IGF2BP3: variants seen among roughly 807,000 people sequenced by gnomAD.
The protein encoded by IGF2BP3 is insulin like growth factor 2 mRNA binding protein 3, also known as insulin-like growth factor 2 mRNA-binding protein 3.
IGF2BP3 carries 9 observed loss-of-function variants against 73.8 expected under a neutral mutation model. The ratio of observed to expected loss-of-function variants is 0.12; its 90% confidence interval spans 0.07 to 0.21. IGF2BP3 has a LOEUF of 0.21. Ranked by LOEUF, IGF2BP3 falls within the 10% of genes least tolerant of loss-of-function variation. The pLI is 1.00. For synonymous variants in IGF2BP3, 258 were observed against 256.7 expected (o/e 1.01, Z -0.05); for missense variants, 542 against 714.0 (o/e 0.76, Z 2.75).
chr7:23,336,110 C>G (rs1163907780), intron 10 of IGF2BP3, among the ~76,000 whole-genome samples: 1 of 151,734 alleles, frequency 6.6e-6, no homozygotes, highest in Non-Finnish European at 1.5e-5. Flanking sequence ...TTTCTACTTT[C>G]ATGCTACAAA....
At chr7:23,455,124 G>C (rs1788287289) in intron 2 of IGF2BP3, among the ~76,000 whole-genome samples, 1 of 152,156 alleles carries the variant, frequency 6.6e-6, no homozygotes, top group Admixed American at 6.5e-5. Context: ...AGTCTTCCAT[G>C]ATAATCCCAA....
intron 8 of IGF2BP3, among the ~76,000 whole-genome samples, chr7:23,344,093 A>C (rs1185372910): frequency 1.3e-5 from 2 of 152,250 alleles, no homozygotes; most frequent in African/African-American, 2.4e-5. Flanking sequence ...CTGGATACAT[A>C]TAGTTCAATC....
chr7:23,378,286 T>C (rs922296119), intron 3 of IGF2BP3, among the ~76,000 whole-genome samples: 1 of 150,812 alleles, frequency 6.6e-6, no homozygotes, highest in Non-Finnish European at 1.5e-5. Flanking sequence ...ACAAGGAGTA[T>C]ATAATTTTAG....
At chr7:23,468,460 G>A in intron 2 of IGF2BP3, 22 bp downstream of exon 2, 1 of 1,613,570 alleles carries the variant, frequency 6.2e-7, no homozygotes, top group Non-Finnish European at 8.5e-7. Context: ...CAGAATCGGG[G>A]CAAACAGAAG....
intron 3 of IGF2BP3, among the ~76,000 whole-genome samples, chr7:23,418,094 A>C (rs528368528): frequency 2.7e-4 from 41 of 152,336 alleles, no homozygotes; most frequent in African/African-American, 9.9e-4. Flanking sequence ...TCTAAAACAC[A>C]CAAAACTAGT....
intron 3 of IGF2BP3, among the ~76,000 whole-genome samples, chr7:23,392,495 CACACATAT>C (rs1380338752): frequency 1.3e-5 from 2 of 150,462 alleles, no homozygotes; most frequent in African/African-American, 2.5e-5. Flanking sequence ...TACACACATA[CACACATAT>C]GCACATATAT....
chr7:23,335,186 T>G (rs1232174721), intron 10 of IGF2BP3, among the ~76,000 whole-genome samples: 1 of 151,532 alleles, frequency 6.6e-6, no homozygotes, highest in Non-Finnish European at 1.5e-5. Flanking sequence ...AGAAATTGTT[T>G]ACCAACAAAA....
chr7:23,388,007 C>A (rs1786142763), intron 3 of IGF2BP3, among the ~76,000 whole-genome samples: 1 of 152,058 alleles, frequency 6.6e-6, no homozygotes, highest in Admixed American at 6.6e-5. Flanking sequence ...GTGGTGTGAT[C>A]TCAGCTCACT....
At chr7:23,322,465 G>A (rs12671985) in intron 10 of IGF2BP3, among the ~76,000 whole-genome samples, 14 of 152,276 alleles carry the variant, frequency 9.2e-5, no homozygotes, top group African/African-American at 2.9e-4. Context: ...TGAAAGTGAC[G>A]GGGAGAATGG....
chr7:23,465,622 T>G (rs1013799766), intron 2 of IGF2BP3, among the ~76,000 whole-genome samples: 1 of 152,204 alleles, frequency 6.6e-6, no homozygotes, highest in Non-Finnish European at 1.5e-5. Context: ...GCAAGCCCAT[T>G]CATCCATCTC....
intron 3 of IGF2BP3, among the ~76,000 whole-genome samples, chr7:23,400,523 T>A (rs1483782409): frequency 6.6e-6 from 1 of 152,054 alleles, no homozygotes; most frequent in Non-Finnish European, 1.5e-5. Context: ...CCATTCTGAC[T>A]AAGGCTGACC....
At chr7:23,314,777 G>T (rs1447162728) in intron 12 of IGF2BP3, among the ~76,000 whole-genome samples, 1 of 152,152 alleles carries the variant, frequency 6.6e-6, no homozygotes, top group East Asian at 1.9e-4. Context: ...ATATTTTAAA[G>T]AGGCTACAAC....
At position 23,410,885 on chromosome 7, in the gene IGF2BP3, G is replaced by A. The variant is rs368289376; in HGVS notation, c.285+7891C>T. 2.2e-4 allele frequency among the ~76,000 whole-genome samples: 33 copies of A among 152,270 alleles called. No homozygotes were observed. In the East Asian group the frequency reaches 4.6e-3, roughly 21 times the overall value. On this transcript the variant is annotated intron_variant, in intron 3 of 14. Coordinates refer to ENST00000258729, the MANE Select transcript of IGF2BP3 (RefSeq NM_006547.3). ...AACACTTTCCAGCTGCATGATCCCA[G>A]ACAAGCTACTTCACCTCTCTGTACC...
intron 10 of IGF2BP3, among the ~76,000 whole-genome samples, chr7:23,334,535 C>T (rs948400368): frequency 6.6e-6 from 1 of 152,212 alleles, no homozygotes; most frequent in Non-Finnish European, 1.5e-5. Flanking sequence ...GTTACCCAGT[C>T]TTGTTACACA....
At chr7:23,416,750 G>A (rs565868808) in intron 3 of IGF2BP3, among the ~76,000 whole-genome samples, 1 of 152,286 alleles carries the variant, frequency 6.6e-6, no homozygotes, top group Non-Finnish European at 1.5e-5. Context: ...CATACCCAGC[G>A]TGAATAAATA....
intron 2 of IGF2BP3, among the ~76,000 whole-genome samples, chr7:23,466,484 C>T (rs1788570123): frequency 1.3e-5 from 2 of 152,164 alleles, no homozygotes; most frequent in Non-Finnish European, 2.9e-5. Context: ...ATTCAATTTA[C>T]ATTGTTAAAA....
intron 3 of IGF2BP3, chr7:23,413,567 T>A (rs1036575360): frequency 2.0e-5 from 3 of 151,942 alleles, no homozygotes; most frequent in Non-Finnish European, 4.4e-5. Flanking sequence ...AAAGAAAAAA[T>A]ATCTAAAGGT....
intron 2 of IGF2BP3, among the ~76,000 whole-genome samples, chr7:23,433,597 C>T (rs765031537): frequency 6.6e-6 from 1 of 151,960 alleles, no homozygotes; most frequent in Non-Finnish European, 1.5e-5. Flanking sequence ...TCTCCCACCT[C>T]AGCCTCCCAG....
intron 10 of IGF2BP3, among the ~76,000 whole-genome samples, chr7:23,336,430 T>C (rs1240894523): frequency 6.6e-6 from 1 of 152,042 alleles, no homozygotes; most frequent in Non-Finnish European, 1.5e-5. Context: ...CGTCCATCTT[T>C]AACTTTCTAA....
Sources: gnomAD v4.1 joint callset for allele counts (sites outside exome capture counted in the v4.1 genomes callset) on GRCh38, gnomAD v4.1.1 for gene constraint, MANE v1.5 for transcripts, NCBI Gene and HGNC (gene_info 2026-07-23, HGNC 2026-07-21) for gene names.